Variants in ITPR2 observed in about 807,000 individuals in gnomAD.
ITPR2 encodes the protein inositol 1,4,5-trisphosphate receptor type 2.
A neutral mutation model predicts 317.1 loss-of-function variants in ITPR2; 207 were observed. The observed-to-expected ratio is 0.65, with a 90% CI of 0.58 to 0.73. The LOEUF is 0.73. ITPR2 is among the 30% of genes least tolerant of loss of function. The probability of loss-of-function intolerance (pLI) is 0.00; values close to 1 mark genes in which losing one functional copy is unlikely to be tolerated. For missense variants in ITPR2, 2,613 were observed against 3,284.0 expected, an observed-to-expected ratio of 0.80 and a Z score of 4.99; for synonymous variants, 1,156 against 1,149.1, an observed-to-expected ratio of 1.01 and a Z score of -0.12.
At position 26,715,761 on chromosome 12, in the gene ITPR2, T is replaced by A. The variant is rs1462560245; in HGVS notation, c.699A>T (p.Val233=). The A allele has an allele frequency of 6.3e-7, 1 of 1,596,100 alleles. No individual in the cohort carries two copies. The highest frequency in any genetic ancestry group is 1.1e-5 in the South Asian group (1 of 90,604). The change falls in exon 7 of 57, where the codon GTA becomes GTT. Residue 233 remains valine, a synonymous_variant. Coordinates refer to ENST00000381340, the MANE Select transcript of ITPR2 (RefSeq NM_002223.4). The stretch of plus-strand genomic sequence containing the variant: ...TGTAGCACATACTTACTCCTTTTAA[T>A]ACATCCTCTCGATAGGAACTATATT... The part of the protein sequence containing the change: ...FMKYSSYRED[V]LKGGDVVRLF...
In ITPR2 at chr12:26,599,136, A is replaced by T. The variant is rs769091330; in HGVS notation, c.4002+9T>A. 5 of 1,612,890 alleles carry T rather than the reference A, an allele frequency of 3.1e-6. No individual in the cohort carries two copies. The South Asian group carries it at 5.5e-5, about 18-fold the overall frequency. ...GGTGAAGCTGATAAAAGGCAAACTG[A>T]GAACATACCTCTGTCATTACCATAT... On this transcript the variant is annotated intron_variant, in intron 30 of 56. Coordinates refer to ENST00000381340, the MANE Select transcript of ITPR2 (RefSeq NM_002223.4).
intron 2 of ITPR2, among the ~76,000 whole-genome samples, chr12:26,766,642 T>G (rs1416221133): frequency 6.6e-6 from 1 of 152,168 alleles, no homozygotes; most frequent in Non-Finnish European, 1.5e-5. Flanking sequence ...GTTTATCCAT[T>G]TTTTTCTTTT....
chr12:26,776,652 G>A (rs569764569), intron 2 of ITPR2, among the ~76,000 whole-genome samples: 33 of 152,246 alleles, frequency 2.2e-4, no homozygotes, highest in Non-Finnish European at 3.7e-4. Flanking sequence ...AACCATTTTT[G>A]CCAGAAGAAA....
At chr12:26,632,580 CCTTTA>C (rs1398929258) in intron 21 of ITPR2, among the ~76,000 whole-genome samples, 2 of 152,108 alleles carry the variant, frequency 1.3e-5, no homozygotes, top group African/African-American at 4.8e-5. Context: ...AGGACTGTTA[CCTTTA>C]TTTTAAGAAA....
chr12:26,620,930 G>C (rs1946477905), intron 26 of ITPR2, among the ~76,000 whole-genome samples, 193 bp downstream of exon 26: 1 of 152,164 alleles, frequency 6.6e-6, no homozygotes, highest in African/African-American at 2.4e-5. Context: ...GTAAGAAGTG[G>C]TAGAAATTGA....
chr12:26,497,708 ATTTT>A (rs34121849), intron 37 of ITPR2, among the ~76,000 whole-genome samples: 15 of 126,496 alleles, frequency 1.2e-4, no homozygotes, highest in African/African-American at 1.2e-4. Flanking sequence ...AGTGCCAAGA[ATTTT>A]TTTTTTTTTT....
At chr12:26,741,784 A>G (rs1236895744) in intron 2 of ITPR2, among the ~76,000 whole-genome samples, 3 of 152,248 alleles carry the variant, frequency 2.0e-5, no homozygotes, top group Admixed American at 2.0e-4. Flanking sequence ...AGAAACCCAT[A>G]GTAATCACTC....
Position 26,486,968 on chromosome 12 carries a change from T to C in ITPR2, c.5554+100A>G, listed in dbSNP as rs781480372. ...TGATCAGAGCCACAGTGGGGATAAT[T>C]AAACCAAGAGAAGAGAGACGAAAAA... On this transcript the variant is annotated intron_variant, in intron 40 of 56. Transcript: ENST00000381340. 12 of 1,233,544 alleles carry C rather than the reference T, an allele frequency of 9.7e-6. No individual in the cohort carries two copies. The South Asian group carries it at 1.3e-4, about 14-fold the overall frequency. The allele number at this position is 1,233,544 out of a possible 1,614,324, so 76.4% of individuals were successfully genotyped here.
chr12:26,494,387 T>G, intron 38 of ITPR2, 47 bp from the exon 39 acceptor site: 1 of 1,214,814 alleles, frequency 8.2e-7, no homozygotes, highest in Non-Finnish European at 1.1e-6. Flanking sequence ...GTAGACATTA[T>G]TAATATGTAA....
In ITPR2 at chr12:26,340,276, T is replaced by G. The variant is rs767675618; in HGVS notation, c.7910A>C (p.Asn2637Thr). ...PRMRAMSLVS[N>T]EGDSEQNEIR... ...TTCATTTTGCTCACTGTCGCCTTCA[T>G]TGCTAACGAGGGACATGGCTCGCAT... Residue 2637 changes from asparagine to threonine, a missense_variant, in exon 56 of 57, where the codon AAT becomes ACT. By Grantham distance (65) the Asn-to-Thr change is moderately conservative (BLOSUM62 0). This residue lies in a region of ITPR2 where 119 missense variants were observed against 144.3 expected (regional missense o/e 0.82). Transcript: ENST00000381340. The G allele has an allele frequency of 6.2e-7, 1 of 1,611,012 alleles. No homozygotes were observed. Among genetic ancestry groups the G allele is most frequent in the African/African-American group, 1.3e-5 (1 of 74,884 alleles).
chr12:26,790,417 T>C (rs553256880), intron 1 of ITPR2, among the ~76,000 whole-genome samples, 190 bp from the exon 2 acceptor site: 54 of 152,340 alleles, frequency 3.5e-4, no homozygotes, highest in African/African-American at 1.1e-3. Context: ...GTTTATGAAA[T>C]TGAAACATTG....
At chr12:26,462,764 C>T (rs749404727) in intron 45 of ITPR2, among the ~76,000 whole-genome samples, 9 of 151,846 alleles carry the variant, frequency 5.9e-5, no homozygotes, top group African/African-American at 2.2e-4. Context: ...CTCCGCCTCC[C>T]GGGTTCAAGC....
rs1041016094 is a variant in ITPR2, at chr12:26,593,786, T to G, written c.4380+1679A>C. ...AAAAGAATGTAAATCTGTACACCTT[T>G]GCCTTGCAAATACATCGGTGAAAAC... On this transcript the variant is annotated intron_variant, in intron 32 of 56. Coordinates refer to ENST00000381340, the MANE Select transcript of ITPR2 (RefSeq NM_002223.4). Among the ~76,000 whole-genome samples the G allele has an allele frequency of 2.0e-5, 3 of 152,206 alleles. No individual in the cohort carries two copies. The South Asian group carries it at 6.2e-4, about 32-fold the overall frequency.
At chr12:26,391,829 T>C (rs1198928219) in intron 54 of ITPR2, among the ~76,000 whole-genome samples, 3 of 151,976 alleles carry the variant, frequency 2.0e-5, no homozygotes, top group Non-Finnish European at 4.4e-5. Flanking sequence ...CCTCCCAAAG[T>C]TGCTGAGATT....
At chr12:26,400,321 C>T in intron 52 of ITPR2, 63 bp from the exon 53 acceptor site, 3 of 984,846 alleles carry the variant, frequency 3.0e-6, no homozygotes, top group Non-Finnish European at 4.1e-6. Context: ...ATAAAATACA[C>T]ATAAAATGAA....
At chr12:26,710,843 T>C (rs1234503594) in intron 9 of ITPR2, among the ~76,000 whole-genome samples, 1 of 152,194 alleles carries the variant, frequency 6.6e-6, no homozygotes, top group Admixed American at 6.5e-5. Flanking sequence ...ATCATATCTA[T>C]GATGCGGACA....
At chr12:26,350,936 C>A (rs1307559299) in intron 55 of ITPR2, among the ~76,000 whole-genome samples, 1 of 152,226 alleles carries the variant, frequency 6.6e-6, no homozygotes, top group African/African-American at 2.4e-5. Context: ...CATTCCCAGC[C>A]AACAGGGCAC....
chr12:26,340,466 G>A (rs1194548652), intron 55 of ITPR2, 138 bp from the exon 56 acceptor site: 2 of 854,742 alleles, frequency 2.3e-6, no homozygotes, highest in African/African-American at 3.5e-5. Flanking sequence ...CATAGGGAGG[G>A]GCTGAAGTAG....
chr12:26,816,535 A>G (rs1950855854), intron 1 of ITPR2, among the ~76,000 whole-genome samples: 1 of 152,222 alleles, frequency 6.6e-6, no homozygotes, highest in Non-Finnish European at 1.5e-5. Flanking sequence ...TTGAGTATCT[A>G]CTATGTGACA....
Sources: allele counts gnomAD v4.1 joint callset (sites outside exome capture counted in the v4.1 genomes callset), GRCh38; gene constraint gnomAD v4.1.1; regional missense constraint gnomAD v4.1.1; transcripts MANE v1.5; gene names NCBI Gene and HGNC (gene_info 2026-07-23, HGNC 2026-07-21).